The following PPP1R36 variants were observed in gnomAD, a reference collection of about 807,000 sequenced individuals.
PPP1R36 encodes protein phosphatase 1 regulatory subunit 36.
A neutral mutation model predicts 53.4 loss-of-function variants in PPP1R36; 47 were observed. The observed-to-expected ratio is 0.88, with a 90% CI of 0.70 to 1.12. The LOEUF (loss-of-function observed/expected upper bound fraction) is 1.12, where lower values mean the gene tolerates loss of function less well. Ranked by LOEUF, PPP1R36 falls within the 50% of genes most tolerant of loss-of-function variation. The pLI is 0.00. For missense variants in PPP1R36, 456 were observed against 513.9 expected, an observed-to-expected ratio of 0.89 and a Z score of 1.09; for synonymous variants, 153 against 170.5, an observed-to-expected ratio of 0.90 and a Z score of 0.80.
chr14:64,562,715 A>G (rs2080214486), intron 3 of PPP1R36, among the ~76,000 whole-genome samples: 1 of 152,266 alleles, frequency 6.6e-6, no homozygotes, highest in South Asian at 2.1e-4. Context: ...GGCAGGCACT[A>G]TCTACCAGTT....
intron 8 of PPP1R36, among the ~76,000 whole-genome samples, chr14:64,581,094 C>T (rs770657958): frequency 1.3e-5 from 2 of 152,134 alleles, no homozygotes; most frequent in Non-Finnish European, 2.9e-5. Context: ...GGCAGGAGTA[C>T]ATTTCAGGAA....
At chr14:64,577,062 G>A (rs568518888) in intron 8 of PPP1R36, among the ~76,000 whole-genome samples, 1 of 152,282 alleles carries the variant, frequency 6.6e-6, no homozygotes, top group South Asian at 2.1e-4. Flanking sequence ...ACAGGCTGCA[G>A]GTCTAAGATC....
chr14:64,581,317 T>C (rs2080387976), intron 8 of PPP1R36, among the ~76,000 whole-genome samples: 1 of 152,180 alleles, frequency 6.6e-6, no homozygotes, highest in Non-Finnish European at 1.5e-5. Flanking sequence ...CTTCTAGGCC[T>C]CTCAGGAAGA....
At chr14:64,581,054 T>C (rs1449588768) in intron 8 of PPP1R36, among the ~76,000 whole-genome samples, 1 of 152,166 alleles carries the variant, frequency 6.6e-6, no homozygotes, top group African/African-American at 2.4e-5. Context: ...ACCTGACCTC[T>C]CTGATGGCTT....
intron 8 of PPP1R36, among the ~76,000 whole-genome samples, chr14:64,578,743 A>G (rs1246415298): frequency 6.6e-6 from 1 of 152,244 alleles, no homozygotes; most frequent in East Asian, 1.9e-4. Flanking sequence ...TCAACCCAGC[A>G]TTCCCATTAC....
intron 3 of PPP1R36, among the ~76,000 whole-genome samples, chr14:64,556,641 G>A (rs2080154922): frequency 6.8e-6 from 1 of 146,262 alleles, no homozygotes; most frequent in African/African-American, 2.5e-5. Context: ...GGGCCTGGTG[G>A]TATGCGCCTG....
At chr14:64,570,993 C>T (rs531532743) in intron 7 of PPP1R36, among the ~76,000 whole-genome samples, 2 of 152,356 alleles carry the variant, frequency 1.3e-5, no homozygotes, top group South Asian at 4.1e-4. Context: ...AACTCCAAGG[C>T]TTGTGCCTTA....
chr14:64,587,340 G>T lies in PPP1R36; in HGVS notation c.858G>T (p.Gly286=), dbSNP rs1200093395. ...RRRREDEESG[G]EKKRMTFVQF... Reference sequence around the variant, plus strand: ...GGCGTGAAGATGAGGAATCAGGAGGGGAAAAGAAACGCATGACTTTTGTTC... The same window carrying T: ...GGCGTGAAGATGAGGAATCAGGAGGTGAAAAGAAACGCATGACTTTTGTTC... Residue 286 remains glycine, a synonymous_variant, in exon 10 of 12, where the codon GGG becomes GGT. Coordinates refer to ENST00000298705, the MANE Select transcript of PPP1R36 (RefSeq NM_172365.3). 1.2e-6 allele frequency: 2 copies of T among 1,613,458 alleles called. No individual in the cohort carries two copies. Among genetic ancestry groups the T allele is most frequent in the Non-Finnish European group, 8.5e-7 (1 of 1,179,752 alleles).
intron 3 of PPP1R36, among the ~76,000 whole-genome samples, chr14:64,556,103 A>G (rs930879064): frequency 3.3e-5 from 5 of 151,630 alleles, no homozygotes. Flanking sequence ...TGATAATTCC[A>G]AAATCTGAAG....
In PPP1R36 at chr14:64,588,401, A is replaced by G. The variant is rs936925402; in HGVS notation, c.1082+106A>G. The G allele has an allele frequency of 3.0e-5, 29 of 980,726 alleles. No individual in the cohort carries two copies. In the South Asian group the frequency reaches 4.7e-4, roughly 16 times the overall value. 60.8% of individuals were successfully genotyped at this position (980,726 alleles called of 1,614,324 possible). ...CATGCCTCTGCCAGGGAATCGAGCC[A>G]TGATGACAGCCCCCATTTTCTTACT... is the stretch of plus-strand genomic sequence containing the variant. On this transcript the variant is annotated intron_variant, in intron 11 of 11. Transcript: ENST00000298705.
At chr14:64,562,706 G>A (rs192338925) in intron 3 of PPP1R36, among the ~76,000 whole-genome samples, 21 of 152,126 alleles carry the variant, frequency 1.4e-4, no homozygotes, top group Admixed American at 5.2e-4. Context: ...TTGGCTAAGG[G>A]CAGGCACTAT....
At chr14:64,579,190 T>C (rs763280069) in intron 8 of PPP1R36, among the ~76,000 whole-genome samples, 5 of 152,218 alleles carry the variant, frequency 3.3e-5, no homozygotes, top group Non-Finnish European at 7.3e-5. Flanking sequence ...AGCGATGTGA[T>C]AATACGTACA....
chr14:64,587,423 C>T, intron 10 of PPP1R36, 51 bp downstream of exon 10: 2 of 698,290 alleles, frequency 2.9e-6, no homozygotes, highest in Non-Finnish European at 2.1e-6. Flanking sequence ...TTCTTCCTTT[C>T]CTTTCTTTTC....
chr14:64,560,103 CAAAAAAAAA>C (rs1171697200), intron 3 of PPP1R36, among the ~76,000 whole-genome samples: 14 of 27,478 alleles, frequency 5.1e-4, no homozygotes, highest in Admixed American at 1.2e-3. Flanking sequence ...GAATCTGTCA[CAAAAAAAAA>C]AAAAAAAAAA....
chr14:64,560,370 A>G (rs1167319554), intron 3 of PPP1R36, among the ~76,000 whole-genome samples: 1 of 148,832 alleles, frequency 6.7e-6, no homozygotes, highest in African/African-American at 2.5e-5. Flanking sequence ...TGGGCCCTTG[A>G]GGTAGAGGCT....
At chr14:64,581,756 A>G (rs958013603) in intron 8 of PPP1R36, among the ~76,000 whole-genome samples, 1 of 152,222 alleles carries the variant, frequency 6.6e-6, no homozygotes, top group Non-Finnish European at 1.5e-5. Context: ...TAGTAGAACC[A>G]GCAGTTTGGG....
At chr14:64,582,410 G>C (rs2080396126) in intron 8 of PPP1R36, among the ~76,000 whole-genome samples, 1 of 152,198 alleles carries the variant, frequency 6.6e-6, no homozygotes, top group South Asian at 2.1e-4. Context: ...AGGAATAAGA[G>C]AGCATCATAA....
chr14:64,561,431 C>A (rs575648831), intron 3 of PPP1R36, among the ~76,000 whole-genome samples: 5 of 152,172 alleles, frequency 3.3e-5, no homozygotes, highest in African/African-American at 9.7e-5. Flanking sequence ...AACCTCCATG[C>A]AAGAAATGCC....
chr14:64,551,977 C>T (rs917854931), intron 2 of PPP1R36, among the ~76,000 whole-genome samples: 16 of 152,134 alleles, frequency 1.1e-4, no homozygotes, highest in African/African-American at 3.9e-4. Flanking sequence ...TAAGCAATAG[C>T]GAGAGTTAGA....
Sources: gnomAD v4.1 joint callset for allele counts (sites outside exome capture counted in the v4.1 genomes callset) on GRCh38, gnomAD v4.1.1 for gene constraint, MANE v1.5 for transcripts, NCBI Gene and HGNC (gene_info 2026-07-23, HGNC 2026-07-21) for gene names.